PGM3: variants seen among roughly 807,000 people sequenced by gnomAD.
PGM3 encodes the protein phosphoglucomutase 3.
PGM3 carries 40 observed loss-of-function variants against 66.2 expected under a neutral mutation model. That is an observed-to-expected ratio of 0.60 (90% CI 0.47 to 0.79). The LOEUF (loss-of-function observed/expected upper bound fraction) is 0.79, where lower values mean the gene tolerates loss of function less well. Ranked by LOEUF, PGM3 falls within the 30% of genes least tolerant of loss-of-function variation. The probability of loss-of-function intolerance (pLI) is 0.00; values close to 1 mark genes in which losing one functional copy is unlikely to be tolerated. For missense variants in PGM3, 537 were observed against 643.4 expected, an observed-to-expected ratio of 0.83 and a Z score of 1.79; for synonymous variants, 191 against 224.2, an observed-to-expected ratio of 0.85 and a Z score of 1.32.
At chr6:83,169,598 A>G (rs1257919680) in intron 12 of PGM3, 3 of 466,318 alleles carry the variant, frequency 6.4e-6, no homozygotes, top group Non-Finnish European at 1.2e-5. Flanking sequence ...AAAATTCAAT[A>G]AAACTTTAAT....
intron 11 of PGM3, among the ~76,000 whole-genome samples, chr6:83,171,572 C>G (rs1057451000): frequency 2.6e-5 from 4 of 152,162 alleles, no homozygotes; most frequent in Non-Finnish European, 5.9e-5. Context: ...CTCACTGCAA[C>G]CTCTGCCTCC....
chr6:83,185,976 T>C (rs895309356), intron 4 of PGM3, among the ~76,000 whole-genome samples: 1 of 152,068 alleles, frequency 6.6e-6, no homozygotes, highest in Admixed American at 6.5e-5. Context: ...TTTAACATTA[T>C]GGAAAGCTAC....
chr6:83,166,611 T>C lies in PGM3; in HGVS notation c.*2623A>G. 1 of 743,908 alleles carries C rather than the reference T, an allele frequency of 1.3e-6. No individual in the cohort carries two copies. Among genetic ancestry groups the C allele is most frequent in the Non-Finnish European group, 2.0e-6 (1 of 501,336 alleles). The allele number at this position is 743,908 out of a possible 1,614,324, so 46.1% of individuals were successfully genotyped here. ...ATGATGTATAACATAACCACATTTA[T>C]TTAAGAATGTACTCCAATATAAAAC... On this transcript the variant is annotated 3_prime_UTR_variant, in exon 13 of 13. Transcript: ENST00000513973.
At chr6:83,182,573 A>C (rs533165409) in intron 5 of PGM3, among the ~76,000 whole-genome samples, 25 of 152,340 alleles carry the variant, frequency 1.6e-4, no homozygotes, top group Non-Finnish European at 2.2e-4. Flanking sequence ...CATCTGAATG[A>C]ATACTTATGA....
the PGM3 span, among the ~76,000 whole-genome samples, chr6:83,155,197 C>T: frequency 6.6e-6 from 1 of 151,658 alleles, no homozygotes; most frequent in African/African-American, 2.4e-5. Context: ...TGCAGTGGCT[C>T]ACGCCTGTAA....
At chr6:83,153,435 C>T in the PGM3 span, 1 of 894,378 alleles carries the variant, frequency 1.1e-6, no homozygotes, top group Admixed American at 2.8e-5. Flanking sequence ...GGTTTTCTAA[C>T]AAACTGAAAA....
chr6:83,187,229 T>C (rs1055931267), intron 3 of PGM3, among the ~76,000 whole-genome samples, 154 bp from the exon 4 acceptor site: 3 of 152,214 alleles, frequency 2.0e-5, no homozygotes, highest in African/African-American at 7.2e-5. Flanking sequence ...AGATAACTGG[T>C]AAATTATAAG....
chr6:83,164,735 T>G, downstream of PGM3: 1 of 1,578,212 alleles, frequency 6.3e-7, no homozygotes, highest in Non-Finnish European at 8.6e-7. Flanking sequence ...GGTGGCTGTT[T>G]CATGCTTATG....
chr6:83,178,776 C>T lies in PGM3; in HGVS notation c.946-20G>A. 8.4e-6 allele frequency: 11 copies of T among 1,312,982 alleles called. No homozygotes were observed. Among genetic ancestry groups the T allele is most frequent in the East Asian group, 2.3e-5 (1 of 43,432 alleles). The allele number at this position is 1,312,982 out of a possible 1,614,324, so 81.3% of individuals were successfully genotyped here. A position where few individuals can be genotyped will look rare whatever the true frequency, so the allele number is the denominator to read the frequency against. ...TCCAATCTAGACAAAAACAATGATA[C>T]TTAACTTGCCATCAAAAGTATGGTC... On this transcript the variant is annotated intron_variant, in intron 7 of 12. Coordinates refer to ENST00000513973, the MANE Select transcript of PGM3 (RefSeq NM_015599.3).
the PGM3 span, among the ~76,000 whole-genome samples, chr6:83,150,778 T>C: frequency 6.6e-5 from 10 of 152,230 alleles, no homozygotes; most frequent in East Asian, 1.9e-3. Context: ...AAATCATTTC[T>C]GTATTACAAT....
chr6:83,151,442 G>A, the PGM3 span: 4 of 490,120 alleles, frequency 8.2e-6, no homozygotes, highest in African/African-American at 2.0e-5. Context: ...GTTTATGAAT[G>A]TCAGTTGAGT....
rs750319004 is a variant in PGM3 at position 83,168,196 on chromosome 6, ATG to A, written c.*1036_*1037del. The stretch of plus-strand genomic sequence containing the variant: ...CCATTGCTGGTTCCATTTAGCTTAC[ATG>A]TAAATGTAATTATTTAAAACACACA... On this transcript the variant is annotated 3_prime_UTR_variant, in exon 13 of 13. Coordinates refer to ENST00000513973, the MANE Select transcript of PGM3 (RefSeq NM_015599.3). 1.9e-6 allele frequency: 3 copies of A among 1,582,962 alleles called. No homozygotes were observed. The African/African-American group carries it at 4.1e-5, about 22-fold the overall frequency.
At chr6:83,161,311 A>G (rs1784181641), downstream of PGM3, 1 of 152,180 alleles carries the variant, frequency 6.6e-6, no homozygotes, top group South Asian at 2.1e-4. Context: ...TTCTAAAAAT[A>G]AAAATCTATA....
chr6:83,152,348 C>A, the PGM3 span: 1 of 1,544,352 alleles, frequency 6.5e-7, no homozygotes, highest in Non-Finnish European at 8.7e-7. Flanking sequence ...AGTGTCCATG[C>A]ATTGACATTA....
chr6:83,188,575 C>T, intron 3 of PGM3, 39 bp downstream of exon 3: 3 of 1,480,472 alleles, frequency 2.0e-6, no homozygotes, highest in Non-Finnish European at 2.8e-6. Context: ...TATCACGTTC[C>T]CAAAGGTTTT....
chr6:83,184,126 C>T (rs1214110031), intron 4 of PGM3, among the ~76,000 whole-genome samples: 1 of 152,062 alleles, frequency 6.6e-6, no homozygotes, highest in African/African-American at 2.4e-5. Flanking sequence ...AAAAACGTCC[C>T]ATAATTTTCA....
chr6:83,170,737 A>C lies in PGM3; in HGVS notation c.1366-259T>G. 8.7e-6 allele frequency: 3 copies of C among 344,778 alleles called. No individual in the cohort carries two copies. The Admixed American group carries it at 1.3e-4, about 15-fold the overall frequency. 21.4% of individuals were successfully genotyped at this position (344,778 alleles called of 1,614,324 possible). On this transcript the variant is annotated intron_variant, in intron 11 of 12. Transcript: ENST00000513973. Reference sequence around the variant, plus strand: ...TAAGATAATGGCCAGTAAATACGATATGACTAAGTCCCATATCACACACAA... The same window carrying C: ...TAAGATAATGGCCAGTAAATACGATCTGACTAAGTCCCATATCACACACAA...
At chr6:83,161,981 T>C (rs1450439212), downstream of PGM3, among the ~76,000 whole-genome samples, 2 of 152,168 alleles carry the variant, frequency 1.3e-5, no homozygotes, top group African/African-American at 2.4e-5. Context: ...TGAAGTTTTA[T>C]ATGATGCAGA....
At chr6:83,188,275 G>C (rs554842654) in intron 3 of PGM3, among the ~76,000 whole-genome samples, 2 of 151,908 alleles carry the variant, frequency 1.3e-5, no homozygotes, top group Non-Finnish European at 2.9e-5. Flanking sequence ...AAAATAATGA[G>C]TTCAAATCAT....
Sources: gnomAD v4.1 joint callset for allele counts (sites outside exome capture counted in the v4.1 genomes callset) on GRCh38, gnomAD v4.1.1 for gene constraint, MANE v1.5 for transcripts, NCBI Gene and HGNC (gene_info 2026-07-23, HGNC 2026-07-21) for gene names.